Variants in GPHN observed in about 807,000 individuals in gnomAD.
GPHN encodes the protein gephyrin.
GPHN carries 17 observed loss-of-function variants against 95.5 expected under a neutral mutation model. That is an observed-to-expected ratio of 0.18 (90% CI 0.12 to 0.27). GPHN has a LOEUF of 0.27. Ranked by LOEUF, GPHN falls within the 10% of genes least tolerant of loss-of-function variation. GPHN has a pLI of 1.00. For synonymous variants in GPHN, 320 were observed against 322.5 expected, an observed-to-expected ratio of 0.99 and a Z score of 0.08; for missense variants, 660 against 978.1, an observed-to-expected ratio of 0.67 and a Z score of 4.34.
intron 4 of GPHN, among the ~76,000 whole-genome samples, chr14:66,838,719 A>G (rs983852938): frequency 2.6e-5 from 4 of 152,144 alleles, no homozygotes; most frequent in Non-Finnish European, 4.4e-5. Flanking sequence ...TTTCTTTACT[A>G]CTGTCTGGAA....
At chr14:67,083,897 G>A (rs1230945481) in intron 11 of GPHN, among the ~76,000 whole-genome samples, 4 of 152,150 alleles carry the variant, frequency 2.6e-5, no homozygotes, top group Non-Finnish European at 5.9e-5. Flanking sequence ...GAAGCTGGTT[G>A]TATTTGATTG....
chr14:67,682,203 C>G, the GPHN span, among the ~76,000 whole-genome samples: 1 of 152,110 alleles, frequency 6.6e-6, no homozygotes, highest in East Asian at 1.9e-4. Context: ...ATCTTTGTGA[C>G]CTTGGGTAAG....
chr14:67,313,595 G>A, the GPHN span, among the ~76,000 whole-genome samples: 32 of 152,154 alleles, frequency 2.1e-4, no homozygotes, highest in Non-Finnish European at 3.5e-4. Context: ...AGCTATCGGA[G>A]AAGGCAAAGG....
At chr14:66,781,725 T>C (rs924718657) in intron 3 of GPHN, among the ~76,000 whole-genome samples, 3 of 152,198 alleles carry the variant, frequency 2.0e-5, no homozygotes, top group Admixed American at 1.3e-4. Flanking sequence ...CTAAGGTCTT[T>C]GTTTAATTGT....
intron 4 of GPHN, among the ~76,000 whole-genome samples, chr14:66,866,652 G>A (rs971702638): frequency 2.6e-5 from 4 of 152,100 alleles, no homozygotes; most frequent in African/African-American, 7.2e-5. Flanking sequence ...AGCAAATACA[G>A]TGAGATTTTT....
At chr14:66,569,040 C>G (rs908312057) in intron 1 of GPHN, among the ~76,000 whole-genome samples, 13 of 152,064 alleles carry the variant, frequency 8.5e-5, no homozygotes, top group Non-Finnish European at 1.6e-4. Flanking sequence ...AAATCATATT[C>G]AGCACATGAA....
At chr14:66,768,335 T>A (rs2059039465) in intron 2 of GPHN, among the ~76,000 whole-genome samples, 1 of 151,994 alleles carries the variant, frequency 6.6e-6, no homozygotes, top group Non-Finnish European at 1.5e-5. Flanking sequence ...TAGAATAGAT[T>A]ACCAGATGAT....
the GPHN span, among the ~76,000 whole-genome samples, chr14:67,699,515 C>T: frequency 2.0e-5 from 3 of 146,486 alleles, no homozygotes; most frequent in South Asian, 4.3e-4. Context: ...TCTTGAGCCT[C>T]ACAGGTTGAG....
chr14:67,573,407 C>A, the GPHN span: 2 of 1,399,370 alleles, frequency 1.4e-6, no homozygotes, highest in Non-Finnish European at 2.0e-6. This position sits in a 1 kb window ranked among gnomAD's most constrained non-coding sequence, Gnocchi z 4.8. Flanking sequence ...CCCCGCCCAG[C>A]ACTGCAGTCA....
chr14:67,250,490 G>A, the GPHN span, among the ~76,000 whole-genome samples: 1 of 152,176 alleles, frequency 6.6e-6, no homozygotes, highest in African/African-American at 2.4e-5. Flanking sequence ...CAGTTTATGT[G>A]TACTGGACAT....
chr14:67,198,026 A>G, the GPHN span: 3 of 1,014,592 alleles, frequency 3.0e-6, no homozygotes, highest in Non-Finnish European at 2.8e-6. Flanking sequence ...TGCAGTGCCA[A>G]GCATATCACA....
chr14:67,526,074 C>T, the GPHN span, among the ~76,000 whole-genome samples: 6 of 152,212 alleles, frequency 3.9e-5, no homozygotes, highest in Non-Finnish European at 8.8e-5. Flanking sequence ...TACCTGATTC[C>T]TTTGTGTGGG....
intron 1 of GPHN, among the ~76,000 whole-genome samples, chr14:66,511,007 A>G (rs544053428): frequency 6.6e-6 from 1 of 152,290 alleles, no homozygotes; most frequent in East Asian, 1.9e-4. Flanking sequence ...AATAGAGGAA[A>G]ATAGGTTTTG....
At chr14:67,690,469 G>A in the GPHN span, 1 of 1,542,154 alleles carries the variant, frequency 6.5e-7, no homozygotes, top group Non-Finnish European at 9.0e-7. Flanking sequence ...ATGTAGGAAT[G>A]ACAGGAGTCG....
rs73276914 is a variant in GPHN, at chr14:67,033,070, A to C, written c.1006+9395A>C. Among the ~76,000 whole-genome samples, 320 of 152,272 alleles carry C rather than the reference A, an allele frequency of 2.1e-3. 3 individuals carry two copies. Among genetic ancestry groups the C allele is most frequent in the African/African-American group, 7.3e-3 (304 of 41,544 alleles). On this transcript the variant is annotated intron_variant, in intron 10 of 22. Coordinates refer to ENST00000478722, the MANE Select transcript of GPHN (RefSeq NM_020806.5). ...TGGACAAAATGAAGATTTCAACACA[A>C]AGTTAGAAACTATTAAAAAAGAACC...
chr14:66,920,770 C>T (rs1330038702), intron 6 of GPHN, among the ~76,000 whole-genome samples: 3 of 151,784 alleles, frequency 2.0e-5, no homozygotes, highest in African/African-American at 7.3e-5. Context: ...TCCCATAAGT[C>T]CCCAAAGTTC....
intron 1 of GPHN, among the ~76,000 whole-genome samples, chr14:66,657,686 A>G (rs986303622): frequency 1.3e-5 from 2 of 152,140 alleles, no homozygotes; most frequent in African/African-American, 4.8e-5. Flanking sequence ...CTAAATCACA[A>G]TACATCTGTT....
At chr14:66,871,948 A>G (rs2063456358) in intron 4 of GPHN, among the ~76,000 whole-genome samples, 1 of 152,210 alleles carries the variant, frequency 6.6e-6, no homozygotes, top group African/African-American at 2.4e-5. Context: ...AATTTAAAAA[A>G]AAATTTAAAT....
At chr14:67,408,295 TAAATAAAATAAAATA>T in the GPHN span, among the ~76,000 whole-genome samples, 5,615 of 116,680 alleles carry the variant, frequency 0.048, 147 homozygotes, top group East Asian at 0.059. Flanking sequence ...TCAAAATAAA[TAAATAAAATAAAATA>T]AAATAAAATA....
Sources: allele counts gnomAD v4.1 joint callset (sites outside exome capture counted in the v4.1 genomes callset), GRCh38; gene constraint gnomAD v4.1.1; non-coding constraint Gnocchi (gnomAD v3.1); transcripts MANE v1.5; gene names NCBI Gene and HGNC (gene_info 2026-07-23, HGNC 2026-07-21).